Variants in FSTL5 observed in about 807,000 individuals in gnomAD.
The protein encoded by FSTL5 is follistatin like 5.
Under a neutral mutation model 89.1 loss-of-function variants are expected in FSTL5, and 62 were observed. The observed-to-expected ratio is 0.70, with a 90% CI of 0.57 to 0.86. FSTL5 has a LOEUF of 0.86. Among genes scored for constraint, FSTL5 ranks in the 40% least tolerant of loss-of-function variants. FSTL5 has a pLI of 0.00. For synonymous variants in FSTL5, 383 were observed against 346.2 expected, an observed-to-expected ratio of 1.11 and a Z score of -1.18; for missense variants, 1,057 against 1,001.6, an observed-to-expected ratio of 1.06 and a Z score of -0.75.
chr4:161,572,623 T>C (rs887440903), intron 8 of FSTL5, among the ~76,000 whole-genome samples: 9 of 152,176 alleles, frequency 5.9e-5, no homozygotes, highest in Non-Finnish European at 1.2e-4. Flanking sequence ...TATAGCAATA[T>C]AAACTTTCTA....
chr4:161,882,935 T>C (rs1273497437), intron 4 of FSTL5, among the ~76,000 whole-genome samples: 2 of 152,166 alleles, frequency 1.3e-5, no homozygotes, highest in Non-Finnish European at 2.9e-5. Context: ...GGATTTATTT[T>C]ACCCCAAAAA....
intron 7 of FSTL5, among the ~76,000 whole-genome samples, chr4:161,615,162 C>G (rs545691264): frequency 4.9e-4 from 74 of 151,712 alleles, no homozygotes; most frequent in Non-Finnish European, 7.4e-4. Context: ...GGTGTGGAAG[C>G]GGGCGCCTGT....
intron 7 of FSTL5, among the ~76,000 whole-genome samples, chr4:161,630,951 G>T (rs1170477787): frequency 2.0e-5 from 3 of 152,224 alleles, no homozygotes; most frequent in Non-Finnish European, 4.4e-5. Flanking sequence ...TGACACAAAT[G>T]CTCTTCTGCG....
intron 3 of FSTL5, among the ~76,000 whole-genome samples, chr4:162,005,799 T>C (rs1029345056): frequency 3.3e-5 from 5 of 152,134 alleles, no homozygotes; most frequent in African/African-American, 7.2e-5. Context: ...TCTTTGCAAC[T>C]TGACGAAGGC....
At chr4:161,597,632 A>C (rs540682656) in intron 7 of FSTL5, among the ~76,000 whole-genome samples, 19 of 148,894 alleles carry the variant, frequency 1.3e-4, no homozygotes, top group Admixed American at 4.2e-4. Context: ...GTATAATAAA[A>C]AAAATATGAA....
chr4:161,745,032 A>G (rs926584893), intron 6 of FSTL5, among the ~76,000 whole-genome samples: 2 of 152,044 alleles, frequency 1.3e-5, no homozygotes, highest in African/African-American at 2.4e-5. Flanking sequence ...GAGGAAAAAA[A>G]AAAGAAATAC....
At chr4:162,111,192 G>T in intron 2 of FSTL5, 79 bp downstream of exon 2, 1 of 1,213,184 alleles carries the variant, frequency 8.2e-7, no homozygotes, top group Non-Finnish European at 1.1e-6. Context: ...GTGCTCCTAA[G>T]TGAATAATAA....
intron 4 of FSTL5, among the ~76,000 whole-genome samples, chr4:161,831,663 T>C (rs1472622796): frequency 6.6e-6 from 1 of 151,912 alleles, no homozygotes; most frequent in Non-Finnish European, 1.5e-5. Context: ...TATTCTAATA[T>C]ATTTTTCCAC....
intron 3 of FSTL5, among the ~76,000 whole-genome samples, chr4:161,937,641 G>A (rs1348458511): frequency 6.6e-6 from 1 of 152,106 alleles, no homozygotes; most frequent in East Asian, 1.9e-4. Flanking sequence ...CAATTCTGGG[G>A]GAAAGAACTC....
intron 2 of FSTL5, among the ~76,000 whole-genome samples, chr4:162,046,595 T>G (rs1436200334): frequency 6.6e-6 from 1 of 152,098 alleles, no homozygotes; most frequent in African/African-American, 2.4e-5. Context: ...ATATTATAGC[T>G]GAAGCTATTT....
chr4:161,759,291 T>C (rs1291072470), intron 6 of FSTL5, 120 bp downstream of exon 6: 1 of 917,864 alleles, frequency 1.1e-6, no homozygotes, highest in Admixed American at 3.0e-5. Context: ...TTAAATTCAC[T>C]AAATTATATA....
chr4:161,524,012 C>T (rs1731121565), intron 10 of FSTL5, among the ~76,000 whole-genome samples: 1 of 152,102 alleles, frequency 6.6e-6, no homozygotes, highest in South Asian at 2.1e-4. Context: ...CTGTTTCAGG[C>T]CATGATGGGA....
intron 7 of FSTL5, among the ~76,000 whole-genome samples, chr4:161,640,130 G>A (rs1045624609): frequency 6.6e-6 from 1 of 152,010 alleles, no homozygotes; most frequent in African/African-American, 2.4e-5. Flanking sequence ...CAGATCTTTG[G>A]CACACAGCCT....
At chr4:161,986,638 A>C (rs1735970347) in intron 3 of FSTL5, among the ~76,000 whole-genome samples, 1 of 152,250 alleles carries the variant, frequency 6.6e-6, no homozygotes, top group Non-Finnish European at 1.5e-5. Context: ...AAATATATGC[A>C]CATTATTATT....
intron 4 of FSTL5, among the ~76,000 whole-genome samples, chr4:161,834,939 T>C (rs1009110473): frequency 2.0e-5 from 3 of 149,528 alleles, no homozygotes; most frequent in African/African-American, 7.5e-5. Flanking sequence ...CTTCACAGAA[T>C]TGGAAAAAAC....
intron 2 of FSTL5, among the ~76,000 whole-genome samples, chr4:162,051,289 C>T: frequency 6.6e-6 from 1 of 151,158 alleles, no homozygotes; most frequent in East Asian, 1.9e-4. Flanking sequence ...AGAGATTTAA[C>T]ACTGAATATA....
intron 6 of FSTL5, among the ~76,000 whole-genome samples, chr4:161,753,091 A>G (rs967962369): frequency 3.9e-5 from 6 of 152,116 alleles, no homozygotes; most frequent in Non-Finnish European, 5.9e-5. Flanking sequence ...ACTTTTGCTC[A>G]TTCTTTCTCT....
At chr4:161,644,526 CAA>C (rs34645648) in intron 7 of FSTL5, among the ~76,000 whole-genome samples, 22 of 133,834 alleles carry the variant, frequency 1.6e-4, no homozygotes, top group Middle Eastern at 3.9e-3. Flanking sequence ...AACTCTGTCT[CAA>C]AAAAAAAAAA....
At position 161,753,636 on chromosome 4, in the gene FSTL5, G is replaced by T. The variant is rs116341009; in HGVS notation, c.727+5775C>A. Among the ~76,000 whole-genome samples the T allele has an allele frequency of 3.3e-5, 5 of 152,112 alleles. No individual in the cohort carries two copies. In the South Asian group the frequency reaches 8.3e-4, roughly 25 times the overall value. ...TGCTAATGTAATATTCATTTTTATT[G>T]TTCTAATTATTAGAAGCTTTCGATA... On this transcript the variant is annotated intron_variant, in intron 6 of 15. Transcript: ENST00000306100.
Sources: allele counts gnomAD v4.1 joint callset (sites outside exome capture counted in the v4.1 genomes callset), GRCh38; gene constraint gnomAD v4.1.1; transcripts MANE v1.5; gene names NCBI Gene and HGNC (gene_info 2026-07-23, HGNC 2026-07-21).